TM4SF4: variants seen among roughly 807,000 people sequenced by gnomAD.
The protein encoded by TM4SF4 is transmembrane 4 L6 family member 4.
TM4SF4 carries 24 observed loss-of-function variants against 24.1 expected under a neutral mutation model. The ratio of observed to expected loss-of-function variants is 1.00; its 90% CI spans 0.72 to 1.40. The LOEUF is 1.40. Ranked by LOEUF, TM4SF4 falls within the 40% of genes most tolerant of loss-of-function variation. TM4SF4 has a pLI of 0.00. For missense variants in TM4SF4, 254 were observed against 254.2 expected, an observed-to-expected ratio of 1.00 and a Z score of 0.01; for synonymous variants, 113 against 97.0, an observed-to-expected ratio of 1.17 and a Z score of -0.97.
At position 149,474,777 on chromosome 3, in the gene TM4SF4, A is replaced by G. The variant is rs9793; in HGVS notation, c.-101A>G. 0.75 allele frequency: 941,022 copies of G among 1,254,594 alleles called. 373,206 individuals carry two copies. The highest frequency in any genetic ancestry group is 0.83 in the Non-Finnish European group (763,860 of 919,102). The allele number at this position is 1,254,594 out of a possible 1,614,324, so 77.7% of individuals were successfully genotyped here. A position where few individuals can be genotyped will look rare whatever the true frequency, so the allele number is the denominator to read the frequency against. On this transcript the variant is annotated 5_prime_UTR_variant, in exon 1 of 5. Coordinates refer to ENST00000305354, the MANE Select transcript of TM4SF4 (RefSeq NM_004617.4). ...AGCCCCAAAATACTGATTGAATTGG[A>G]GACAATTACAAGGACTCTCTGGCCA...
chr3:149,493,643 T>G (rs1734256763), intron 3 of TM4SF4, among the ~76,000 whole-genome samples: 1 of 152,246 alleles, frequency 6.6e-6, no homozygotes, highest in Non-Finnish European at 1.5e-5. Flanking sequence ...CTGCTATTTA[T>G]GAAGCACTGC....
intron 2 of TM4SF4, among the ~76,000 whole-genome samples, chr3:149,484,880 C>T (rs1734090891): frequency 6.6e-6 from 1 of 152,056 alleles, no homozygotes; most frequent in Admixed American, 6.6e-5. Flanking sequence ...ATAACAAGGC[C>T]TAGAATACCT....
intron 2 of TM4SF4, among the ~76,000 whole-genome samples, chr3:149,478,518 T>C (rs1244783086): frequency 6.6e-6 from 1 of 152,240 alleles, no homozygotes; most frequent in Admixed American, 6.5e-5. Flanking sequence ...ATATTTGGGC[T>C]TCCCAATATA....
intron 3 of TM4SF4, among the ~76,000 whole-genome samples, chr3:149,498,237 T>C (rs182745757): frequency 3.3e-5 from 5 of 152,298 alleles, no homozygotes; most frequent in South Asian, 4.1e-4. Flanking sequence ...ACTTGACAAG[T>C]CATCTGTCAA....
intron 2 of TM4SF4, among the ~76,000 whole-genome samples, chr3:149,483,511 C>A: frequency 6.9e-6 from 1 of 144,666 alleles, no homozygotes; most frequent in African/African-American, 2.6e-5. Context: ...TGTTTTCTTA[C>A]AAGGAGTCAC....
At chr3:149,488,738 C>T (rs528102615) in intron 3 of TM4SF4, among the ~76,000 whole-genome samples, 3 of 152,176 alleles carry the variant, frequency 2.0e-5, no homozygotes, top group Non-Finnish European at 4.4e-5. Context: ...AGACTTTAAC[C>T]TCCAAGGGGG....
At chr3:149,483,726 T>A (rs575654611) in intron 2 of TM4SF4, among the ~76,000 whole-genome samples, 6 of 152,220 alleles carry the variant, frequency 3.9e-5, no homozygotes, top group African/African-American at 1.4e-4. Flanking sequence ...TCATGTTATA[T>A]AAAATATGAA....
At chr3:149,493,284 C>T (rs1019286639) in intron 3 of TM4SF4, among the ~76,000 whole-genome samples, 17 of 152,042 alleles carry the variant, frequency 1.1e-4, no homozygotes, top group African/African-American at 4.1e-4. Context: ...TATAAGTAAC[C>T]CTTGATTCAC....
chr3:149,482,376 A>G (rs1001021461), intron 2 of TM4SF4, among the ~76,000 whole-genome samples: 3 of 152,008 alleles, frequency 2.0e-5, no homozygotes, highest in African/African-American at 4.8e-5. Flanking sequence ...GCAAAGGAAG[A>G]CTCCCTTATC....
intron 3 of TM4SF4, among the ~76,000 whole-genome samples, chr3:149,493,077 A>G (rs1328862268): frequency 6.6e-6 from 1 of 152,222 alleles, no homozygotes; most frequent in African/African-American, 2.4e-5. Context: ...CAAGGTACAT[A>G]AAGCACTCAG....
At chr3:149,480,822 A>AT (rs1473564495) in intron 2 of TM4SF4, among the ~76,000 whole-genome samples, 1 of 151,960 alleles carries the variant, frequency 6.6e-6, no homozygotes, top group Non-Finnish European at 1.5e-5. Flanking sequence ...CTAAGCTCCT[A>AT]TTTTTATTCT....
chr3:149,486,271 G>A (rs1470142799), intron 2 of TM4SF4, among the ~76,000 whole-genome samples: 1 of 152,108 alleles, frequency 6.6e-6, no homozygotes, highest in Non-Finnish European at 1.5e-5. Flanking sequence ...TTTAAGGTGG[G>A]CTCTATCATG....
At chr3:149,496,788 A>G (rs1208871213) in intron 3 of TM4SF4, among the ~76,000 whole-genome samples, 1 of 151,998 alleles carries the variant, frequency 6.6e-6, no homozygotes, top group Non-Finnish European at 1.5e-5. Context: ...AAAAAGGACA[A>G]TCTCACACAA....
intron 3 of TM4SF4, chr3:149,495,687 A>G (rs1734298006): frequency 7.6e-6 from 2 of 263,572 alleles, no homozygotes; most frequent in South Asian, 5.3e-5. Flanking sequence ...AATCAGTGCT[A>G]GCTACACCCC....
intron 2 of TM4SF4, among the ~76,000 whole-genome samples, chr3:149,483,704 A>C (rs565343374): frequency 6.6e-6 from 1 of 152,310 alleles, no homozygotes; most frequent in African/African-American, 2.4e-5. Context: ...AGTGACATAA[A>C]CATATTTTAA....
chr3:149,476,819 T>TG (rs199640325), intron 2 of TM4SF4, among the ~76,000 whole-genome samples: 2,315 of 120,670 alleles, frequency 0.019, 26 homozygotes, highest in Non-Finnish European at 0.027. Flanking sequence ...TTTTTGTTTT[T>TG]TTTTTTTTTT....
At chr3:149,475,445 T>C (rs1007560150) in intron 1 of TM4SF4, among the ~76,000 whole-genome samples, 1 of 152,214 alleles carries the variant, frequency 6.6e-6, no homozygotes, top group Non-Finnish European at 1.5e-5. Context: ...AGTGTGGTCG[T>C]CTTCCACTTA....
In TM4SF4 at chr3:149,475,927, G is replaced by C. The variant is rs369550019; in HGVS notation, c.264+15G>C. ...AGCGATTTGCGGTGAGTTACCATGG[G>C]GGGCAGCTACTAGAATTACTCCAGG... On this transcript the variant is annotated intron_variant, in intron 2 of 4. Transcript: ENST00000305354. 10 of 1,602,988 alleles carry C rather than the reference G, an allele frequency of 6.2e-6. No individual in the cohort carries two copies. In the African/African-American group the frequency reaches 1.3e-4, roughly 21 times the overall value.
intron 3 of TM4SF4, among the ~76,000 whole-genome samples, chr3:149,491,438 C>A (rs1054243007): frequency 6.6e-6 from 1 of 151,894 alleles, no homozygotes; most frequent in African/African-American, 2.4e-5. Context: ...TGCATTCTAG[C>A]CTGGGCAACA....
Sources: allele counts gnomAD v4.1 joint callset (sites outside exome capture counted in the v4.1 genomes callset), GRCh38; gene constraint gnomAD v4.1.1; transcripts MANE v1.5; gene names NCBI Gene and HGNC (gene_info 2026-07-23, HGNC 2026-07-21).